The following ADSL variants were observed in gnomAD, a reference collection of about 807,000 sequenced individuals.
ADSL encodes the protein adenylosuccinase.
A neutral mutation model predicts 62.1 loss-of-function variants in ADSL; 44 were observed. The ratio of observed to expected loss-of-function variants is 0.71; its 90% confidence interval spans 0.56 to 0.91. The LOEUF (loss-of-function observed/expected upper bound fraction) is 0.91. Among genes scored for constraint, ADSL ranks in the 40% least tolerant of loss-of-function variants. The probability of loss-of-function intolerance (pLI) is 0.00; values close to 1 mark genes in which losing one functional copy is unlikely to be tolerated. For missense variants in ADSL, 531 were observed against 627.4 expected (o/e 0.85, Z 1.64); for synonymous variants, 198 against 220.5 (o/e 0.90, Z 0.90).
intron 3 of ADSL, chr22:40,353,379 G>A (rs1259107391): frequency 1.9e-5 from 13 of 702,060 alleles, no homozygotes; most frequent in East Asian, 8.0e-5. Context: ...TGCAACCTCC[G>A]CCTCCCAGGC....
chr22:40,366,489 C>A lies in ADSL; in HGVS notation c.1422C>A (p.Ser474Arg). 2 of 1,613,252 alleles carry A rather than the reference C, an allele frequency of 1.2e-6. No individual in the cohort carries two copies. Among genetic ancestry groups the A allele is most frequent in the East Asian group, 2.2e-5 (1 of 44,866 alleles). The change falls in exon 13 of 13, where the codon AGC becomes AGA. Residue 474 changes from serine to arginine, a missense_variant. Physicochemically the swap from Ser to Arg is moderately radical, Grantham distance 110. This residue lies in a region of ADSL where 471 missense variants were observed against 592.9 expected (regional missense o/e 0.79). Coordinates refer to ENST00000623063, the MANE Select transcript of ADSL (RefSeq NM_000026.4). Reference sequence around the variant, plus strand: ...ATCCCCTGTTAAAACCATATGAAAGCGTGATGAAGGTGAAAGCAGAATTAT... The same window carrying A: ...ATCCCCTGTTAAAACCATATGAAAGAGTGATGAAGGTGAAAGCAGAATTAT... The part of the protein sequence containing the change: ...EVYPLLKPYE[S>R]VMKVKAELCL
chr22:40,354,252 C>A lies in ADSL; in HGVS notation c.407C>A (p.Ala136Asp). Reference sequence around the variant, plus strand: ...ATCACATGATCTTTCTTGTAGCTTGCCAGAGTGATCTCTCGGCTTGCCGAC... The same window carrying A: ...ATCACATGATCTTTCTTGTAGCTTGACAGAGTGATCTCTCGGCTTGCCGAC... ...NALDLLLPKL[A>D]RVISRLADFA... The change falls in exon 4 of 13, where the codon GCC becomes GAC. Residue 136 changes from alanine to aspartate, a missense_variant. Ala to Asp is a moderately radical substitution (Grantham distance 126). Coordinates refer to ENST00000623063, the MANE Select transcript of ADSL (RefSeq NM_000026.4). 6.2e-7 allele frequency: 1 copy of A among 1,614,002 alleles called. No homozygotes were observed. Among genetic ancestry groups the A allele is most frequent in the Non-Finnish European group, 8.5e-7 (1 of 1,179,880 alleles).
Position 40,361,548 on chromosome 22 carries a change from C to T in ADSL, c.923C>T (p.Ala308Val). ...PMRSERCCSL[A>V]RHLMTLVMDP... Reference sequence around the variant, plus strand: ...CGTTCAGAACGTTGCTGCAGTCTTGCCCGCCACCTGATGACCCTTGTCATG... The same window carrying T: ...CGTTCAGAACGTTGCTGCAGTCTTGTCCGCCACCTGATGACCCTTGTCATG... Residue 308 changes from alanine to valine, a missense_variant, in exon 9 of 13, where the codon GCC (alanine) becomes GTC (valine). Physicochemically the swap from Ala to Val is moderately conservative, Grantham distance 64 (BLOSUM62 0). Around this residue, in one of 2 missense-constraint regions of ADSL, gnomAD observed 471 missense variants for 592.9 expected, o/e 0.79. Coordinates refer to ENST00000623063, the MANE Select transcript of ADSL (RefSeq NM_000026.4). The T allele has an allele frequency of 6.2e-7, 1 of 1,614,194 alleles. No homozygotes were observed. The highest frequency in any genetic ancestry group is 1.1e-5 in the South Asian group (1 of 91,080).
intron 2 of ADSL, among the ~76,000 whole-genome samples, chr22:40,383,041 C>G (rs1267073672): frequency 6.6e-6 from 1 of 152,108 alleles, no homozygotes; most frequent in East Asian, 1.9e-4. Flanking sequence ...TTAAATATCT[C>G]ATGAAACAGG....
intron 9 of ADSL, among the ~76,000 whole-genome samples, chr22:40,362,173 T>C (rs1311862662): frequency 6.6e-6 from 1 of 152,222 alleles, no homozygotes; most frequent in African/African-American, 2.4e-5. Context: ...GTAACTACTG[T>C]TGAGGTGCCA....
At chr22:40,375,840 C>A (rs1227048610) in intron 2 of ADSL, among the ~76,000 whole-genome samples, 5 of 151,984 alleles carry the variant, frequency 3.3e-5, no homozygotes, top group Admixed American at 2.6e-4. Context: ...GAGGTCAAGA[C>A]CAGCCTGGGC....
At chr22:40,379,700 G>A (rs141921755) in intron 2 of ADSL, among the ~76,000 whole-genome samples, 1 of 152,082 alleles carries the variant, frequency 6.6e-6, no homozygotes, top group African/African-American at 2.4e-5. Flanking sequence ...AACTTTGGTA[G>A]TATTTGTGGT....
At position 40,346,693 on chromosome 22, in the gene ADSL, G is replaced by T; in HGVS notation, c.135G>T (p.Trp45Cys). 1 of 1,609,172 alleles carries T rather than the reference G, an allele frequency of 6.2e-7. No homozygotes were observed. The highest frequency in any genetic ancestry group is 1.1e-5 in the South Asian group (1 of 90,620). Residue 45 changes from tryptophan (W) to cysteine (C), a missense_variant, in exon 1 of 13, where the codon TGG (tryptophan) becomes TGT (cysteine). By Grantham distance (215) the Trp-to-Cys change is radical. Around this residue, in one of 2 missense-constraint regions of ADSL, gnomAD observed 471 missense variants for 592.9 expected, o/e 0.79. Transcript: ENST00000623063. ...GGACATGGCGGCAGCTGTGGCTGTG[G>T]CTGGCGGAGGCCGAGCAGGTAACGG... ...KFRTWRQLWL[W>C]LAEAEQTLGL...
intron 4 of ADSL, among the ~76,000 whole-genome samples, chr22:40,356,048 A>G (rs1224506290): frequency 6.6e-6 from 1 of 151,346 alleles, no homozygotes; most frequent in Admixed American, 6.6e-5. Flanking sequence ...AAAAAAAAAA[A>G]AAAATTAGCC....
intron 1 of ADSL, among the ~76,000 whole-genome samples, chr22:40,347,091 A>T (rs191210317): frequency 6.6e-6 from 1 of 152,332 alleles, no homozygotes; most frequent in Admixed American, 6.5e-5. Flanking sequence ...ATCCATGAAG[A>T]TCTTGCAGGC....
Position 40,349,624 on chromosome 22 carries a change from A to G in ADSL, c.154-208A>G, listed in dbSNP as rs2044269754. Reference sequence around the variant, plus strand: ...GAGCTTTGTTATAGTATACTTTACCATGATTCATTGAGAAGTTCTCTCCCA... The same window carrying G: ...GAGCTTTGTTATAGTATACTTTACCGTGATTCATTGAGAAGTTCTCTCCCA... On this transcript the variant is annotated intron_variant, in intron 1 of 12. Transcript: ENST00000623063. Among the ~76,000 whole-genome samples, 3 of 152,172 alleles carry G rather than the reference A, an allele frequency of 2.0e-5. No individual in the cohort carries two copies. In the South Asian group the frequency reaches 6.2e-4, roughly 32 times the overall value.
intron 10 of ADSL, among the ~76,000 whole-genome samples, chr22:40,363,328 C>T (rs1465246126): frequency 2.0e-5 from 3 of 152,210 alleles, no homozygotes; most frequent in Non-Finnish European, 2.9e-5. Flanking sequence ...TGTGACTAGG[C>T]AGAGTAGATG....
chr22:40,359,375 GATTTGACCTTAC>G, intron 6 of ADSL, 69 bp downstream of exon 6: 1 of 1,495,246 alleles, frequency 6.7e-7, no homozygotes, highest in Non-Finnish European at 9.3e-7. Flanking sequence ...TATACCTGCA[GATTTGACCTTAC>G]AATTTTTGCC....
chr22:40,364,381 T>A lies in ADSL; in HGVS notation c.1191+16T>A, dbSNP rs779771191. 1.9e-6 allele frequency: 3 copies of A among 1,610,416 alleles called. No homozygotes were observed. In the South Asian group the frequency reaches 3.3e-5, roughly 18 times the overall value. On this transcript the variant is annotated intron_variant, in intron 11 of 12. Transcript: ENST00000623063. ...TAGCCGCCAGGTTTGTAACCCCTCATGTTCCTGGATAAGTTGAGAGTGCAC... is the reference window on the plus strand; with the variant it reads ...TAGCCGCCAGGTTTGTAACCCCTCAAGTTCCTGGATAAGTTGAGAGTGCAC...
In ADSL at chr22:40,346,567, T is replaced by C. The variant is rs758676257; in HGVS notation, c.9T>C (p.Ala3=). The C allele has an allele frequency of 6.2e-6, 10 of 1,604,790 alleles. No homozygotes were observed. Among genetic ancestry groups the C allele is most frequent in the Admixed American group, 1.7e-5 (1 of 59,028 alleles). The change falls in exon 1 of 13, where the codon GCT becomes GCC. Residue 3 remains alanine, a synonymous_variant. Transcript: ENST00000623063. MA[A]GGDHGSPDSY... ...GGGGTCGCAGGGTTGGGATGGCGGC[T>C]GGAGGCGATCATGGTTCGCCCGACA...
chr22:40,359,448 TG>T, intron 6 of ADSL, 142 bp downstream of exon 6: 1 of 696,714 alleles, frequency 1.4e-6, no homozygotes. Flanking sequence ...GTCTCTATCC[TG>T]GGTTTTACTT....
intron 2 of ADSL, among the ~76,000 whole-genome samples, chr22:40,386,028 T>G (rs1427011444): frequency 7.9e-5 from 12 of 151,560 alleles, no homozygotes; most frequent in African/African-American, 1.5e-4. Context: ...ATTTTTTGTT[T>G]TTTTTTTTGT....
chr22:40,377,541 A>G (rs2046837822), intron 2 of ADSL, among the ~76,000 whole-genome samples: 1 of 152,212 alleles, frequency 6.6e-6, no homozygotes, highest in African/African-American at 2.4e-5. Flanking sequence ...CATGTCATGT[A>G]AGAGTTAAAA....
intron 2 of ADSL, among the ~76,000 whole-genome samples, chr22:40,380,339 CTTTT>C (rs1422391661): frequency 6.7e-6 from 1 of 148,984 alleles, no homozygotes; most frequent in Non-Finnish European, 1.5e-5. Context: ...CATTTTCTAG[CTTTT>C]TTTAACCATG....
Sources: gnomAD v4.1 joint callset for allele counts (sites outside exome capture counted in the v4.1 genomes callset) on GRCh38, gnomAD v4.1.1 for gene constraint, gnomAD v4.1.1 regional missense constraint, MANE v1.5 for transcripts, NCBI Gene and HGNC (gene_info 2026-07-23, HGNC 2026-07-21) for gene names.